Variants in DPY19L1 observed in about 807,000 individuals in gnomAD.
The protein encoded by DPY19L1 is dpy-19 like C-mannosyltransferase 1.
In DPY19L1, 35 loss-of-function variants were observed where a neutral mutation model predicts 96.9. The ratio of observed to expected loss-of-function variants is 0.36; its 90% CI spans 0.28 to 0.48. The LOEUF is 0.48. DPY19L1 is among the 20% of genes least tolerant of loss of function. The pLI is 0.99. For missense variants in DPY19L1, 521 were observed against 777.9 expected, an observed-to-expected ratio of 0.67 and a Z score of 3.93; for synonymous variants, 205 against 252.6, an observed-to-expected ratio of 0.81 and a Z score of 1.79.
chr7:34,954,713 A>G lies in DPY19L1; in HGVS notation c.1305T>C (p.Phe435=). Residue 435 remains phenylalanine, a synonymous_variant, in exon 13 of 22, where the codon TTT becomes TTC. Transcript: ENST00000638088. Reference sequence around the variant, plus strand: ...ATGCACTTACGTCATCTGCAATACCAAAAATTTTAGATGTCAAGTATTTAA... The same window carrying G: ...ATGCACTTACGTCATCTGCAATACCGAAAATTTTAGATGTCAAGTATTTAA... ...VILKYLTSKI[F]GIADDAHIGN... 1 of 1,550,654 alleles carries G rather than the reference A, an allele frequency of 6.4e-7. No individual in the cohort carries two copies.
intron 21 of DPY19L1, among the ~76,000 whole-genome samples, chr7:34,935,631 C>G (rs1464312188): frequency 6.6e-6 from 1 of 152,128 alleles, no homozygotes; most frequent in African/African-American, 2.4e-5. Context: ...CCCTTCCTCT[C>G]CTAACTGAGT....
intron 7 of DPY19L1, among the ~76,000 whole-genome samples, chr7:34,980,963 TAGGCA>T (rs1784926611): frequency 6.6e-6 from 1 of 152,046 alleles, no homozygotes; most frequent in Non-Finnish European, 1.5e-5. Context: ...AGCCCCCAAA[TAGGCA>T]AAACTAATCA....
intron 10 of DPY19L1, among the ~76,000 whole-genome samples, chr7:34,963,850 T>A (rs988130742): frequency 6.6e-6 from 1 of 152,212 alleles, no homozygotes; most frequent in Non-Finnish European, 1.5e-5. Context: ...AGACAAATAC[T>A]GTATGATTTC....
At chr7:35,027,209 A>G (rs747598044) in intron 1 of DPY19L1, among the ~76,000 whole-genome samples, 35 of 151,926 alleles carry the variant, frequency 2.3e-4, no homozygotes, top group Middle Eastern at 3.4e-3. Flanking sequence ...CGTCTCAAAG[A>G]AAAAAAAGAA....
chr7:34,980,111 C>T (rs1195781221), intron 7 of DPY19L1, among the ~76,000 whole-genome samples: 1 of 152,010 alleles, frequency 6.6e-6, no homozygotes, highest in East Asian at 1.9e-4. Context: ...ACTATATAGT[C>T]ACTTTATTTA....
rs1302300778 is a variant in DPY19L1, at chr7:34,929,177, T to A, written c.*2396A>T. On this transcript the variant is annotated 3_prime_UTR_variant, in exon 22 of 22. Coordinates refer to ENST00000638088, the MANE Select transcript of DPY19L1 (RefSeq NM_001366673.1). The stretch of plus-strand genomic sequence containing the variant: ...TTTCCTCATACTAAAGCAAAAATAT[T>A]TGTAAATGCTAACAATATGCAAAAC... 1 of 152,230 alleles carries A rather than the reference T, an allele frequency of 6.6e-6. No individual in the cohort carries two copies. The highest frequency in any genetic ancestry group is 6.5e-5 in the Admixed American group (1 of 15,278). The allele number at this position is 152,230 out of a possible 1,614,324, so 9.4% of individuals were successfully genotyped here. A position where few individuals can be genotyped will look rare whatever the true frequency, so the allele number is the denominator to read the frequency against.
chr7:34,955,402 A>T (rs1314387082), intron 11 of DPY19L1, 35 bp from the exon 12 acceptor site: 11 of 1,595,714 alleles, frequency 6.9e-6, no homozygotes, highest in Non-Finnish European at 9.4e-6. Context: ...ATACACAGTT[A>T]ATACTTATAG....
intron 10 of DPY19L1, 67 bp from the exon 11 acceptor site, chr7:34,958,137 G>A (rs146005703): frequency 0.016 from 16,944 of 1,088,768 alleles, 152 homozygotes; most frequent in Non-Finnish European, 0.019. Context: ...TTTTTATTGT[G>A]AAAACTGCAC....
chr7:34,952,306 T>C (rs115098395), intron 13 of DPY19L1, among the ~76,000 whole-genome samples: 256 of 152,108 alleles, frequency 1.7e-3, no homozygotes, highest in African/African-American at 5.3e-3. Context: ...ATGACATATA[T>C]AAAATGGGAA....
At chr7:35,037,835 G>A, upstream of DPY19L1, 1 of 1,231,286 alleles carries the variant, frequency 8.1e-7, no homozygotes, top group Non-Finnish European at 1.0e-6. Flanking sequence ...GCGCCCGCGC[G>A]GGGCTCGGCC....
At chr7:35,026,539 G>A (rs781160609) in intron 1 of DPY19L1, among the ~76,000 whole-genome samples, 7 of 152,116 alleles carry the variant, frequency 4.6e-5, no homozygotes, top group Non-Finnish European at 7.4e-5. Flanking sequence ...TTGGGGCTTG[G>A]ACATCTACAT....
At chr7:34,967,461 C>A (rs1439739289) in intron 9 of DPY19L1, among the ~76,000 whole-genome samples, 2 of 152,084 alleles carry the variant, frequency 1.3e-5, no homozygotes, top group African/African-American at 4.8e-5. Flanking sequence ...TACAAATATT[C>A]AAGAGTTAGT....
At position 34,930,148 on chromosome 7, in the gene DPY19L1, A is replaced by C. The variant is rs1327448664; in HGVS notation, c.*1425T>G. Reference sequence around the variant, plus strand: ...CTGAAGGACAATCCACAATGAGGTTAATCTGCCTGTGGTTAAGAAAGAGAA... The same window carrying C: ...CTGAAGGACAATCCACAATGAGGTTCATCTGCCTGTGGTTAAGAAAGAGAA... On this transcript the variant is annotated 3_prime_UTR_variant, in exon 22 of 22. Transcript: ENST00000638088. 1 of 152,246 alleles carries C rather than the reference A, an allele frequency of 6.6e-6. No individual in the cohort carries two copies. Among genetic ancestry groups the C allele is most frequent in the Non-Finnish European group, 1.5e-5 (1 of 68,044 alleles). The allele number at this position is 152,246 out of a possible 1,614,324, so 9.4% of individuals were successfully genotyped here.
intron 7 of DPY19L1, among the ~76,000 whole-genome samples, chr7:34,982,254 T>C (rs1784954461): frequency 1.3e-5 from 2 of 152,220 alleles, no homozygotes; most frequent in African/African-American, 4.8e-5. Context: ...ATTATTAGTG[T>C]TAAATTTCTC....
chr7:35,009,859 C>T (rs1340028722), intron 6 of DPY19L1, among the ~76,000 whole-genome samples: 1 of 152,140 alleles, frequency 6.6e-6, no homozygotes, highest in Non-Finnish European at 1.5e-5. Flanking sequence ...ATGGAATATA[C>T]TGTTCCATAA....
intron 7 of DPY19L1, among the ~76,000 whole-genome samples, chr7:34,974,538 T>C (rs1784793872): frequency 6.6e-6 from 1 of 152,214 alleles, no homozygotes; most frequent in African/African-American, 2.4e-5. Context: ...GAAACTGACA[T>C]ACATATCTAT....
intron 6 of DPY19L1, among the ~76,000 whole-genome samples, chr7:34,994,602 G>C (rs1785242628): frequency 6.6e-6 from 1 of 151,938 alleles, no homozygotes; most frequent in South Asian, 2.1e-4. Flanking sequence ...TCAGGAGATC[G>C]AGACCATCCT....
chr7:34,964,867 T>A (rs1784577370), intron 10 of DPY19L1, among the ~76,000 whole-genome samples: 1 of 152,000 alleles, frequency 6.6e-6, no homozygotes, highest in Non-Finnish European at 1.5e-5. Flanking sequence ...TGGTAAAAGA[T>A]CTGAATAGGA....
chr7:34,998,236 G>A (rs547066482), intron 6 of DPY19L1, among the ~76,000 whole-genome samples: 4 of 152,294 alleles, frequency 2.6e-5, no homozygotes, highest in South Asian at 2.1e-4. Context: ...ACAAAAGGAC[G>A]TCCAGGCTCT....
Sources: gnomAD v4.1 joint callset for allele counts (sites outside exome capture counted in the v4.1 genomes callset) on GRCh38, gnomAD v4.1.1 for gene constraint, MANE v1.5 for transcripts, NCBI Gene and HGNC (gene_info 2026-07-23, HGNC 2026-07-21) for gene names.